KATNAL2: variants seen among roughly 807,000 people sequenced by gnomAD.
KATNAL2 encodes the protein katanin p60 ATPase-containing subunit A-like 2.
KATNAL2 carries 52 observed loss-of-function variants against 76.3 expected under a neutral mutation model. The ratio of observed to expected loss-of-function variants is 0.68; its 90% CI spans 0.55 to 0.86. KATNAL2 has a LOEUF of 0.86. KATNAL2 is among the 40% of genes least tolerant of loss of function. The probability of loss-of-function intolerance (pLI) is 0.00; values close to 1 mark genes in which losing one functional copy is unlikely to be tolerated. For missense variants in KATNAL2, 660 were observed against 668.9 expected, an observed-to-expected ratio of 0.99 and a Z score of 0.15; for synonymous variants, 243 against 244.2, an observed-to-expected ratio of 1.00 and a Z score of 0.05.
chr18:47,039,247 C>A (rs2060880851), intron 3 of KATNAL2, among the ~76,000 whole-genome samples: 1 of 152,116 alleles, frequency 6.6e-6, no homozygotes, highest in Non-Finnish European at 1.5e-5. Context: ...TATTCATATA[C>A]CTTACAACTC....
chr18:47,093,538 TTTTC>T (rs1229654986), intron 15 of KATNAL2, among the ~76,000 whole-genome samples: 1 of 152,024 alleles, frequency 6.6e-6, no homozygotes, highest in Non-Finnish European at 1.5e-5. Flanking sequence ...GTGTCTTTTT[TTTTC>T]TTTAATTGAG....
chr18:47,073,491 A>G (rs1231621014), intron 13 of KATNAL2, among the ~76,000 whole-genome samples: 4 of 152,174 alleles, frequency 2.6e-5, no homozygotes, highest in Non-Finnish European at 5.9e-5. Flanking sequence ...CAACTGGACA[A>G]TCTTGGTCAT....
chr18:46,968,207 T>C (rs796958637), intron 3 of KATNAL2, among the ~76,000 whole-genome samples: 5,665 of 117,562 alleles, frequency 0.048, 142 homozygotes, highest in Non-Finnish European at 0.067. Flanking sequence ...TGGCCGACGA[T>C]TACAGGATCA....
Position 47,031,364 on chromosome 18 carries a change from T to C in KATNAL2, c.52-15093T>C, listed in dbSNP as rs575382833. ...TTTCGGCTTTTGTTTCTGCTGTCGT[T>C]GGCAGTTTCGCGTAATTTTTAATTT... On this transcript the variant is annotated intron_variant, in intron 3 of 17. Transcript: ENST00000683218. Among the ~76,000 whole-genome samples the C allele has an allele frequency of 1.1e-3, 164 of 151,800 alleles. 1 individual carries two copies. Among genetic ancestry groups the C allele is most frequent in the South Asian group, 4.6e-3 (22 of 4,816 alleles).
intron 4 of KATNAL2, 63 bp downstream of exon 4, chr18:47,046,590 A>G (rs149517738): frequency 4.5e-5 from 50 of 1,123,206 alleles, no homozygotes; most frequent in Non-Finnish European, 6.1e-5. Flanking sequence ...ACTTTTCCAG[A>G]TGCGTACTTT....
intron 8 of KATNAL2, among the ~76,000 whole-genome samples, chr18:47,060,813 A>G (rs1041339360): frequency 1.3e-5 from 2 of 152,192 alleles, no homozygotes; most frequent in Non-Finnish European, 1.5e-5. Flanking sequence ...ATTGCTGAAG[A>G]TGATGCCATG....
At chr18:47,033,240 G>A (rs75423131) in intron 3 of KATNAL2, 6 of 1,613,794 alleles carry the variant, frequency 3.7e-6, no homozygotes, top group Non-Finnish European at 5.1e-6. Context: ...CGGGCTTGGA[G>A]GCTGGCTTGA....
At chr18:46,922,473 TA>T (rs1001619018) in intron 1 of KATNAL2, among the ~76,000 whole-genome samples, 99 of 146,152 alleles carry the variant, frequency 6.8e-4, no homozygotes, top group East Asian at 3.9e-3. Context: ...ACTAGCCTTT[TA>T]AAAAAAAAAA....
At chr18:46,955,513 C>T (rs893764511) in intron 3 of KATNAL2, among the ~76,000 whole-genome samples, 27 of 151,788 alleles carry the variant, frequency 1.8e-4, no homozygotes, top group Non-Finnish European at 3.4e-4. Context: ...CGTTCTACCG[C>T]GCCTGACGCT....
intron 15 of KATNAL2, among the ~76,000 whole-genome samples, chr18:47,089,785 A>C (rs1479124672): frequency 6.6e-6 from 1 of 152,230 alleles, no homozygotes; most frequent in African/African-American, 2.4e-5. Flanking sequence ...ATAAAATGCT[A>C]AAATTTTCAA....
chr18:47,043,967 C>T (rs1367876290), intron 3 of KATNAL2, among the ~76,000 whole-genome samples: 2 of 152,120 alleles, frequency 1.3e-5, no homozygotes, highest in Non-Finnish European at 2.9e-5. Context: ...TATAAGACAG[C>T]TTAGTTCTCA....
intron 15 of KATNAL2, among the ~76,000 whole-genome samples, chr18:47,080,162 T>C (rs1026364662): frequency 2.6e-5 from 4 of 152,206 alleles, no homozygotes; most frequent in Admixed American, 6.5e-5. Flanking sequence ...GCAGGATTTT[T>C]TTCTCTTTGA....
At chr18:47,046,005 G>A (rs1250757958) in intron 3 of KATNAL2, among the ~76,000 whole-genome samples, 1 of 152,226 alleles carries the variant, frequency 6.6e-6, no homozygotes, top group African/African-American at 2.4e-5. Context: ...ACTCATCTCT[G>A]CATTTGGCAA....
intron 3 of KATNAL2, among the ~76,000 whole-genome samples, chr18:46,960,853 C>T (rs771366812): frequency 1.1e-4 from 17 of 152,148 alleles, no homozygotes; most frequent in South Asian, 2.1e-4. Flanking sequence ...AGGGACGAGA[C>T]GCGGACAAAA....
chr18:46,939,053 G>A (rs72917167), intron 1 of KATNAL2, among the ~76,000 whole-genome samples: 1,676 of 152,190 alleles, frequency 0.011, 17 homozygotes, highest in Non-Finnish European at 0.017. Flanking sequence ...AATAAATGAC[G>A]AAATGAGGCT....
Position 46,946,235 on chromosome 18 carries a change from A to G in KATNAL2, c.-331A>G. The G allele has an allele frequency of 9.2e-7, 1 of 1,086,724 alleles. No individual in the cohort carries two copies. Among genetic ancestry groups the G allele is most frequent in the Non-Finnish European group, 1.1e-6 (1 of 885,908 alleles). 67.3% of individuals were successfully genotyped at this position (1,086,724 alleles called of 1,614,324 possible). A position where few individuals can be genotyped will look rare whatever the true frequency, so the allele number is the denominator to read the frequency against. On this transcript the variant is annotated 5_prime_UTR_variant, in exon 2 of 18. Coordinates refer to ENST00000683218, the MANE Select transcript of KATNAL2 (RefSeq NM_001387690.1). ...TTAACACATGAAAAAAATAGAGCAG[A>G]GGAAAACACGTCCATGTTTTTCCAC...
At chr18:47,051,686 C>T (rs1003829900) in intron 4 of KATNAL2, among the ~76,000 whole-genome samples, 5 of 152,148 alleles carry the variant, frequency 3.3e-5, no homozygotes, top group Non-Finnish European at 7.4e-5. Context: ...AGTCAACTGA[C>T]TGTGGTTTGC....
intron 15 of KATNAL2, among the ~76,000 whole-genome samples, chr18:47,087,194 T>C (rs1394128649): frequency 1.3e-5 from 2 of 152,220 alleles, no homozygotes; most frequent in Non-Finnish European, 2.9e-5. Flanking sequence ...ACTCTTTTGG[T>C]TATTTTAAAG....
chr18:46,947,747 G>GT (rs1351705933), intron 3 of KATNAL2, among the ~76,000 whole-genome samples: 1 of 152,162 alleles, frequency 6.6e-6, no homozygotes, highest in African/African-American at 2.4e-5. Flanking sequence ...CACAGCTCTA[G>GT]TATCTCCTAC....
Sources: gnomAD v4.1 joint callset for allele counts (sites outside exome capture counted in the v4.1 genomes callset) on GRCh38, gnomAD v4.1.1 for gene constraint, MANE v1.5 for transcripts, NCBI Gene and HGNC (gene_info 2026-07-23, HGNC 2026-07-21) for gene names.